POLR3B: variants seen among roughly 807,000 people sequenced by gnomAD.
POLR3B encodes DNA-directed RNA polymerase III subunit RPC2.
A neutral mutation model predicts 147.4 loss-of-function variants in POLR3B; 96 were observed. That is an observed-to-expected ratio of 0.65 (90% confidence interval 0.55 to 0.77). The LOEUF is 0.77. Among genes scored for constraint, POLR3B ranks in the 30% least tolerant of loss-of-function variants. The pLI is 0.00. For synonymous variants in POLR3B, 461 were observed against 485.9 expected (o/e 0.95, Z 0.67); for missense variants, 1,036 against 1,413.5 (o/e 0.73, Z 4.28).
intron 23 of POLR3B, among the ~76,000 whole-genome samples, chr12:106,484,844 A>G (rs1164675634): frequency 1.3e-5 from 2 of 152,092 alleles, no homozygotes; most frequent in African/African-American, 4.8e-5. Flanking sequence ...GTTCTGAGGC[A>G]CGAATAAGCT....
At chr12:106,361,716 C>G (rs2036471730) in intron 1 of POLR3B, among the ~76,000 whole-genome samples, 2 of 152,102 alleles carry the variant, frequency 1.3e-5, no homozygotes, top group South Asian at 4.1e-4. Flanking sequence ...CCTCCATTCC[C>G]AGCCCTACTT....
intron 24 of POLR3B, 184 bp from the exon 25 acceptor site, chr12:106,496,568 G>A: frequency 1.6e-6 from 1 of 636,466 alleles, no homozygotes; most frequent in South Asian, 1.9e-5. Context: ...AGAAATATAG[G>A]ACCTATCTCA....
Position 106,375,551 on chromosome 12 carries a change from C to A in POLR3B, c.405-808C>A, listed in dbSNP as rs2036666443. On this transcript the variant is annotated intron_variant, in intron 6 of 27. Transcript: ENST00000228347. Reference sequence around the variant, plus strand: ...TTCTGAAATTCATTCTCAGTAATTTCTTCAGATGTCTTTTCCAGCCCAGTA... The same window carrying A: ...TTCTGAAATTCATTCTCAGTAATTTATTCAGATGTCTTTTCCAGCCCAGTA... Among the ~76,000 whole-genome samples, 3 of 152,202 alleles carry A rather than the reference C, an allele frequency of 2.0e-5. No homozygotes were observed. The South Asian group carries it at 6.2e-4, about 31-fold the overall frequency.
intron 12 of POLR3B, among the ~76,000 whole-genome samples, chr12:106,425,129 G>A (rs2037419420): frequency 6.6e-6 from 1 of 152,102 alleles, no homozygotes; most frequent in South Asian, 2.1e-4. Flanking sequence ...GGAACTGAAT[G>A]GCACCTCCAA....
chr12:106,378,660 A>T (rs533993103), intron 8 of POLR3B, among the ~76,000 whole-genome samples: 45 of 152,178 alleles, frequency 3.0e-4, no homozygotes, highest in Admixed American at 2.4e-3. Flanking sequence ...TTAAAAAAAA[A>T]AAAATAAAAC....
intron 1 of POLR3B, among the ~76,000 whole-genome samples, chr12:106,363,589 G>A (rs2036495947): frequency 6.6e-6 from 1 of 152,180 alleles, no homozygotes; most frequent in African/African-American, 2.4e-5. Flanking sequence ...CTTCACTTAG[G>A]AAGTGTCATG....
chr12:106,411,454 A>G (rs1163517792), intron 12 of POLR3B, among the ~76,000 whole-genome samples: 1 of 152,188 alleles, frequency 6.6e-6, no homozygotes, highest in East Asian at 1.9e-4. Context: ...TTTAAATGTT[A>G]ATAGTACGTG....
chr12:106,482,342 G>A (rs2038279184), intron 23 of POLR3B, among the ~76,000 whole-genome samples: 3 of 152,082 alleles, frequency 2.0e-5, no homozygotes, highest in Non-Finnish European at 4.4e-5. Flanking sequence ...CTGCTATAAA[G>A]AAATACCTCA....
chr12:106,362,521 G>C (rs1163837785), intron 1 of POLR3B, among the ~76,000 whole-genome samples: 2 of 152,166 alleles, frequency 1.3e-5, no homozygotes, highest in African/African-American at 4.8e-5. Context: ...ACAGGTGTTT[G>C]CTGGCAATCT....
chr12:106,476,727 T>C (rs1428985586), intron 23 of POLR3B, among the ~76,000 whole-genome samples: 4 of 151,544 alleles, frequency 2.6e-5, no homozygotes, highest in Non-Finnish European at 4.4e-5. Flanking sequence ...TCAGCTCCTT[T>C]AAGCACTTCT....
intron 12 of POLR3B, among the ~76,000 whole-genome samples, chr12:106,419,348 T>C (rs2037344762): frequency 6.6e-6 from 1 of 152,242 alleles, no homozygotes; most frequent in Non-Finnish European, 1.5e-5. Context: ...TGGAAGGACA[T>C]GTCTTAACTT....
chr12:106,376,234 C>A (rs887720961), intron 6 of POLR3B, 125 bp from the exon 7 acceptor site: 8 of 714,108 alleles, frequency 1.1e-5, no homozygotes, highest in African/African-American at 1.8e-5. Context: ...ATTTCTCTGC[C>A]TTTTCTAACA....
At chr12:106,498,023 C>T (rs962916900) in intron 25 of POLR3B, among the ~76,000 whole-genome samples, 2 of 152,176 alleles carry the variant, frequency 1.3e-5, no homozygotes, top group African/African-American at 2.4e-5. Flanking sequence ...GCCTGACACA[C>T]AGCAGGCACT....
intron 23 of POLR3B, among the ~76,000 whole-genome samples, chr12:106,492,346 G>T (rs1352245243): frequency 1.3e-5 from 2 of 151,666 alleles, no homozygotes; most frequent in Admixed American, 1.3e-4. Context: ...AGGAACTTGA[G>T]ACCAGCCTGG....
At position 106,463,568 on chromosome 12, in the gene POLR3B, G is replaced by A; in HGVS notation, c.2661G>A (p.Gln887=). 6.2e-7 allele frequency: 1 copy of A among 1,613,702 alleles called. No individual in the cohort carries two copies. Among genetic ancestry groups the A allele is most frequent in the South Asian group, 1.1e-5 (1 of 91,076 alleles). Residue 887 remains glutamine (Q), a synonymous_variant, in exon 23 of 28, where the codon CAG becomes CAA. Transcript: ENST00000228347. ...TTCTGATCAAAATGCTGCTGAGACA[G>A]ACAAGGCGTCCAGAAATTGGAGACA... is the stretch of plus-strand genomic sequence containing the variant. ...DAFLIKMLLR[Q]TRRPEIGDKF...
At chr12:106,392,234 C>T (rs561507391) in intron 9 of POLR3B, among the ~76,000 whole-genome samples, 25 of 152,278 alleles carry the variant, frequency 1.6e-4, no homozygotes, top group African/African-American at 5.3e-4. Flanking sequence ...ACAATTTCAG[C>T]TCACTGCAAC....
chr12:106,410,642 A>G (rs2037212373), intron 11 of POLR3B, 184 bp from the exon 12 acceptor site: 1 of 624,572 alleles, frequency 1.6e-6, no homozygotes, highest in Non-Finnish European at 2.9e-6. Context: ...TACTGAGGAC[A>G]ATGATGAAAA....
chr12:106,403,337 T>C (rs1400747184), intron 10 of POLR3B, among the ~76,000 whole-genome samples: 4 of 147,106 alleles, frequency 2.7e-5, no homozygotes, highest in African/African-American at 1.0e-4. Context: ...TGTGGAGAAA[T>C]AGGAACACTT....
At chr12:106,443,138 ATAT>A (rs2037675172) in intron 18 of POLR3B, among the ~76,000 whole-genome samples, 1 of 152,192 alleles carries the variant, frequency 6.6e-6, no homozygotes, top group Admixed American at 6.5e-5. Flanking sequence ...CATATCCAAA[ATAT>A]TATATCAACA....
Sources: allele counts gnomAD v4.1 joint callset (sites outside exome capture counted in the v4.1 genomes callset), GRCh38; gene constraint gnomAD v4.1.1; transcripts MANE v1.5; gene names NCBI Gene and HGNC (gene_info 2026-07-23, HGNC 2026-07-21).